The following COLEC12 variants were observed in gnomAD, a reference collection of about 807,000 sequenced individuals.
COLEC12 encodes the protein collectin-12.
In COLEC12, 33 loss-of-function variants were observed where a neutral mutation model predicts 71.1. The observed-to-expected ratio is 0.46, with a 90% CI of 0.35 to 0.62. The LOEUF is 0.62. Among genes scored for constraint, COLEC12 ranks in the 20% least tolerant of loss-of-function variants. The pLI is 0.00. For missense variants in COLEC12, 765 were observed against 916.1 expected (o/e 0.84, Z 2.13); for synonymous variants, 350 against 353.0 (o/e 0.99, Z 0.10).
chr18:345,362 T>A (rs1479466899), intron 5 of COLEC12, among the ~76,000 whole-genome samples: 1 of 152,228 alleles, frequency 6.6e-6, no homozygotes, highest in East Asian at 1.9e-4. Flanking sequence ...ATTCAGATTA[T>A]ACGTATGTAT....
chr18:368,812 G>A (rs1451647404), intron 2 of COLEC12, among the ~76,000 whole-genome samples: 3 of 152,208 alleles, frequency 2.0e-5, no homozygotes, highest in Non-Finnish European at 4.4e-5. Flanking sequence ...CTTGCAGTGA[G>A]CCGAGATCAC....
chr18:353,812 C>T (rs1914572990), intron 3 of COLEC12, among the ~76,000 whole-genome samples: 1 of 152,182 alleles, frequency 6.6e-6, no homozygotes, highest in Non-Finnish European at 1.5e-5. Context: ...GGCATTTCTA[C>T]CTTGAACACC....
intron 1 of COLEC12, among the ~76,000 whole-genome samples, chr18:498,363 CTT>C (rs542727500): frequency 1.3e-4 from 13 of 100,670 alleles, no homozygotes; most frequent in Admixed American, 2.1e-4. Context: ...TATTTTTTTT[CTT>C]TTTTTTTTTT....
intron 2 of COLEC12, among the ~76,000 whole-genome samples, chr18:448,816 T>G (rs991551454): frequency 6.6e-6 from 1 of 152,234 alleles, no homozygotes; most frequent in Admixed American, 6.5e-5. Context: ...TTCAAAAGAT[T>G]TTTAAATTTA....
At chr18:397,750 C>A (rs1016973849) in intron 2 of COLEC12, among the ~76,000 whole-genome samples, 2 of 152,164 alleles carry the variant, frequency 1.3e-5, no homozygotes, top group African/African-American at 4.8e-5. Context: ...CTGATAAGTC[C>A]ATTTAACCCG....
chr18:488,596 T>C (rs1917562119), intron 1 of COLEC12, among the ~76,000 whole-genome samples: 1 of 151,836 alleles, frequency 6.6e-6, no homozygotes, highest in African/African-American at 2.4e-5. Flanking sequence ...AGTGGCTCAC[T>C]GGGATCACTT....
At chr18:400,438 G>A (rs1219925954) in intron 2 of COLEC12, among the ~76,000 whole-genome samples, 2 of 152,294 alleles carry the variant, frequency 1.3e-5, no homozygotes, top group Non-Finnish European at 2.9e-5. Context: ...ACTTGACTGT[G>A]TTTCAGTAAA....
At chr18:446,569 T>C (rs34324202) in intron 2 of COLEC12, among the ~76,000 whole-genome samples, 3 of 138,578 alleles carry the variant, frequency 2.2e-5, no homozygotes, top group African/African-American at 8.0e-5. Context: ...TTTTTTTTTT[T>C]GTTTAAGTAG....
chr18:338,099 C>T (rs936949990), intron 5 of COLEC12, among the ~76,000 whole-genome samples: 2 of 152,198 alleles, frequency 1.3e-5, no homozygotes, highest in African/African-American at 4.8e-5. Context: ...CTAGTCTCGC[C>T]TGTGTTTATT....
intron 7 of COLEC12, 109 bp downstream of exon 7, chr18:332,898 C>T (rs776746342): frequency 1.4e-4 from 142 of 996,110 alleles, no homozygotes; most frequent in Non-Finnish European, 1.9e-4. Context: ...CCCATGTTTA[C>T]GTGACTAGGA....
chr18:390,326 T>G (rs905334189), intron 2 of COLEC12, among the ~76,000 whole-genome samples: 5 of 152,226 alleles, frequency 3.3e-5, no homozygotes, highest in African/African-American at 1.2e-4. Flanking sequence ...AGAGGCAGGA[T>G]GACAAACTTG....
chr18:471,847 T>C (rs756292674), intron 2 of COLEC12, among the ~76,000 whole-genome samples: 2 of 152,064 alleles, frequency 1.3e-5, no homozygotes, highest in African/African-American at 2.4e-5. Flanking sequence ...CCCATTCCCT[T>C]TGTACATAAC....
chr18:374,023 G>T (rs1915059484), intron 2 of COLEC12, among the ~76,000 whole-genome samples: 1 of 152,156 alleles, frequency 6.6e-6, no homozygotes, highest in Non-Finnish European at 1.5e-5. Flanking sequence ...AAGTCCTAGG[G>T]TGTTGCTTTA....
intron 2 of COLEC12, among the ~76,000 whole-genome samples, chr18:472,119 G>A (rs1332211918): frequency 6.6e-6 from 1 of 152,160 alleles, no homozygotes; most frequent in Non-Finnish European, 1.5e-5. Flanking sequence ...GAACCCTACA[G>A]GCAGACAATA....
At chr18:321,625 G>A (rs1913705881) in intron 9 of COLEC12, 37 bp downstream of exon 9, 1 of 1,612,792 alleles carries the variant, frequency 6.2e-7, no homozygotes, top group Non-Finnish European at 8.5e-7. Context: ...TAGGACATAA[G>A]CTGGCAGCTC....
intron 2 of COLEC12, among the ~76,000 whole-genome samples, chr18:457,225 C>T (rs1040122435): frequency 2.0e-5 from 3 of 152,168 alleles, no homozygotes; most frequent in Admixed American, 6.5e-5. Flanking sequence ...GGACGCGAGC[C>T]GTGTAAATGG....
intron 2 of COLEC12, among the ~76,000 whole-genome samples, chr18:457,233 TG>T (rs1916890984): frequency 1.3e-5 from 2 of 152,138 alleles, no homozygotes; most frequent in African/African-American, 2.4e-5. Flanking sequence ...GCCGTGTAAA[TG>T]GGAACGGAGC....
intron 2 of COLEC12, among the ~76,000 whole-genome samples, chr18:470,272 C>T (rs779664724): frequency 8.1e-6 from 1 of 124,012 alleles, no homozygotes; most frequent in Non-Finnish European, 1.6e-5. Flanking sequence ...CGCTCGGTCT[C>T]CCAGGCTGGA....
chr18:443,019 G>A (rs1351543598), intron 2 of COLEC12, among the ~76,000 whole-genome samples: 1 of 152,216 alleles, frequency 6.6e-6, no homozygotes, highest in Admixed American at 6.5e-5. Flanking sequence ...ATCTGGTCCA[G>A]CCACCTGCTA....
Sources: gnomAD v4.1 joint callset for allele counts (sites outside exome capture counted in the v4.1 genomes callset) on GRCh38, gnomAD v4.1.1 for gene constraint, MANE v1.5 for transcripts, NCBI Gene and HGNC (gene_info 2026-07-23, HGNC 2026-07-21) for gene names.